CDH1: variants seen among roughly 807,000 people sequenced by gnomAD.
CDH1 encodes the protein cadherin 1.
In CDH1, 35 loss-of-function variants were observed where a neutral mutation model predicts 84.5. The observed-to-expected ratio is 0.41, with a 90% confidence interval of 0.32 to 0.55. The LOEUF is 0.55. Ranked by LOEUF, CDH1 falls within the 20% of genes least tolerant of loss-of-function variation. The pLI is 0.19. For missense variants in CDH1, 994 were observed against 1,126.6 expected (o/e 0.88, Z 1.68); for synonymous variants, 417 against 439.0 (o/e 0.95, Z 0.63).
rs35771477 is a variant in CDH1 at position 68,821,088 on chromosome 16, T to C, written c.1712-913T>C. Among the ~76,000 whole-genome samples, 102 of 152,318 alleles carry C rather than the reference T, an allele frequency of 6.7e-4. 2 individuals are homozygous for C. In the East Asian group the frequency reaches 0.017, roughly 25 times the overall value. On this transcript the variant is annotated intron_variant, in intron 11 of 15. Transcript: ENST00000261769. ...CTTCTGTTGTTTTGTATCCGTATCG[T>C]ATACTAATATTGATGATAGTTCCCT...
At chr16:68,778,001 G>A (rs1319302201) in intron 2 of CDH1, among the ~76,000 whole-genome samples, 3 of 151,804 alleles carry the variant, frequency 2.0e-5, no homozygotes, top group Non-Finnish European at 2.9e-5. Flanking sequence ...CAAAGTGCTA[G>A]GATTACAGGC....
At chr16:68,831,242 CTT>C (rs756724201) in intron 15 of CDH1, among the ~76,000 whole-genome samples, 6 of 132,420 alleles carry the variant, frequency 4.5e-5, no homozygotes, top group African/African-American at 5.5e-5. Flanking sequence ...TCAAGCCTGG[CTT>C]TTTTTTTTTT....
intron 8 of CDH1, 144 bp from the exon 9 acceptor site, chr16:68,813,169 A>G: frequency 1.2e-6 from 1 of 826,800 alleles, no homozygotes; most frequent in Non-Finnish European, 2.0e-6. Context: ...GTGAGCCATG[A>G]TCGCTCAAAT....
At chr16:68,755,232 A>G (rs907366447) in intron 2 of CDH1, among the ~76,000 whole-genome samples, 10 of 145,080 alleles carry the variant, frequency 6.9e-5, no homozygotes, top group Admixed American at 2.2e-4. Context: ...AGGTTTAGCC[A>G]TGATCGTACC....
At chr16:68,790,824 A>G (rs1960187449) in intron 2 of CDH1, among the ~76,000 whole-genome samples, 1 of 152,188 alleles carries the variant, frequency 6.6e-6, no homozygotes, top group Non-Finnish European at 1.5e-5. Context: ...TCTCCAGTCA[A>G]GGCAGCAGAT....
chr16:68,749,092 C>T (rs1175483159), intron 2 of CDH1, among the ~76,000 whole-genome samples: 1 of 152,184 alleles, frequency 6.6e-6, no homozygotes, highest in Non-Finnish European at 1.5e-5. Context: ...CTGCCTTGGC[C>T]TCCCAAAGTG....
In CDH1 at chr16:68,834,238, G is replaced by A. The variant is rs1385034770; in HGVS notation, c.*739G>A. The A allele has an allele frequency of 2.0e-6, 1 of 507,424 alleles. No individual in the cohort carries two copies. The highest frequency in any genetic ancestry group is 2.3e-5 in the Admixed American group (1 of 43,938). 31.4% of individuals were successfully genotyped at this position (507,424 alleles called of 1,614,324 possible). A position where few individuals can be genotyped will look rare whatever the true frequency, so the allele number is the denominator to read the frequency against. On this transcript the variant is annotated 3_prime_UTR_variant, in exon 16 of 16. Transcript: ENST00000261769. ...CAGAGTATTGGGATTACAGACATGA[G>A]CCACTGCACCTGCCCAGCTCCCCAA...
At chr16:68,751,520 A>ATTTG (rs1962882616) in intron 2 of CDH1, among the ~76,000 whole-genome samples, 1 of 151,874 alleles carries the variant, frequency 6.6e-6, no homozygotes. Flanking sequence ...TTATTTATTT[A>ATTTG]GAGACGGAGT....
At chr16:68,743,392 G>A (rs888387252) in intron 2 of CDH1, among the ~76,000 whole-genome samples, 3 of 146,654 alleles carry the variant, frequency 2.0e-5, no homozygotes, top group African/African-American at 7.6e-5. Flanking sequence ...GAGACGGAGT[G>A]TCACTCTGTC....
chr16:68,782,629 C>T (rs1040666277), intron 2 of CDH1, among the ~76,000 whole-genome samples: 1 of 152,178 alleles, frequency 6.6e-6, no homozygotes, highest in Non-Finnish European at 1.5e-5. Context: ...TTTGAGGGGG[C>T]GTTCAGGAGG....
rs1555517917 is a variant in CDH1 at position 68,829,789 on chromosome 16, A to G, written c.2431A>G (p.Ile811Val). 6.2e-7 allele frequency: 1 copy of G among 1,613,988 alleles called. No homozygotes were observed. The highest frequency in any genetic ancestry group is 1.1e-5 in the South Asian group (1 of 91,076). Residue 811 changes from isoleucine to valine, a missense_variant, in exon 15 of 16, where the codon ATT becomes GTT. Coordinates refer to ENST00000261769, the MANE Select transcript of CDH1 (RefSeq NM_004360.5). The part of the protein sequence containing the change: ...PANPDEIGNF[I>V]DENLKAADTD... ...CAATCCCGATGAAATTGGAAATTTTATTGATGAAGTAAGTAATCCACGTGG... is the reference window on the plus strand; with the variant it reads ...CAATCCCGATGAAATTGGAAATTTTGTTGATGAAGTAAGTAATCCACGTGG...
At chr16:68,746,834 A>G (rs187106886) in intron 2 of CDH1, among the ~76,000 whole-genome samples, 5 of 152,020 alleles carry the variant, frequency 3.3e-5, no homozygotes, top group African/African-American at 1.2e-4. Flanking sequence ...CTGTAATCCC[A>G]GCTACTTGGG....
At chr16:68,743,188 T>C (rs1962611611) in intron 2 of CDH1, among the ~76,000 whole-genome samples, 1 of 152,218 alleles carries the variant, frequency 6.6e-6, no homozygotes, top group African/African-American at 2.4e-5. Flanking sequence ...TAGCCCCAGA[T>C]ACGCCAGAGG....
chr16:68,821,469 C>CAA (rs58762668), intron 11 of CDH1, among the ~76,000 whole-genome samples: 13,287 of 92,750 alleles, frequency 0.14, 937 homozygotes, highest in African/African-American at 0.26. Flanking sequence ...GACTCTGCCT[C>CAA]AAAAAAAAAA....
chr16:68,783,729 T>A (rs983144381), intron 2 of CDH1, among the ~76,000 whole-genome samples: 1 of 152,018 alleles, frequency 6.6e-6, no homozygotes, highest in East Asian at 1.9e-4. Context: ...CAGGCTGGAG[T>A]GTAGTGGCAT....
chr16:68,793,574 C>A (rs934890112), intron 2 of CDH1, among the ~76,000 whole-genome samples: 4 of 152,140 alleles, frequency 2.6e-5, no homozygotes, highest in African/African-American at 9.7e-5. Flanking sequence ...TGGTTAAGTT[C>A]CTTCTCTGTT....
chr16:68,799,187 C>T (rs1960435124), intron 2 of CDH1, among the ~76,000 whole-genome samples: 1 of 152,206 alleles, frequency 6.6e-6, no homozygotes, highest in African/African-American at 2.4e-5. Context: ...GACCCTGGGT[C>T]CAGCCCTTTT....
At chr16:68,743,332 TTTCTTTCTTTCTTTCTTTCTTTCTTTC>T (rs1316207975) in intron 2 of CDH1, among the ~76,000 whole-genome samples, 293 of 27,202 alleles carry the variant, frequency 0.011, 15 homozygotes, top group African/African-American at 0.02. Context: ...TCTTTCTTTC[TTTCTTTCTTTCTTTCTTTCTTTCTTTC>T]TTTCTTTTCT....
intron 10 of CDH1, among the ~76,000 whole-genome samples, chr16:68,818,815 A>G (rs567263950): frequency 2.7e-3 from 367 of 135,326 alleles, no homozygotes; most frequent in Non-Finnish European, 4.4e-3. Flanking sequence ...GCGCCACTGC[A>G]CTCCAGCTTG....
Sources: gnomAD v4.1 joint callset for allele counts (sites outside exome capture counted in the v4.1 genomes callset) on GRCh38, gnomAD v4.1.1 for gene constraint, MANE v1.5 for transcripts, NCBI Gene and HGNC (gene_info 2026-07-23, HGNC 2026-07-21) for gene names.